The following PCF11 variants were observed in gnomAD, a reference collection of about 807,000 sequenced individuals.
The protein encoded by PCF11 is PCF11 cleavage and polyadenylation factor subunit.
PCF11 carries 19 observed loss-of-function variants against 166.1 expected under a neutral mutation model. That is an observed-to-expected ratio of 0.11 (90% CI 0.08 to 0.17). PCF11 has a LOEUF of 0.17. Ranked by LOEUF, PCF11 falls within the 10% of genes least tolerant of loss-of-function variation. The pLI is 1.00. For synonymous variants in PCF11, 663 were observed against 644.1 expected (o/e 1.03, Z -0.44); for missense variants, 1,565 against 1,855.5 (o/e 0.84, Z 2.88).
intron 13 of PCF11, 78 bp from the exon 14 acceptor site, chr11:83,182,321 C>G (rs920514732): frequency 2.7e-6 from 2 of 750,760 alleles, no homozygotes; most frequent in African/African-American, 3.5e-5. Context: ...CTCCACTTAA[C>G]AGTGTTTGTA....
At chr11:83,184,647 C>A (rs1319258059) in intron 15 of PCF11, 32 bp from the exon 16 acceptor site, 1 of 1,456,352 alleles carries the variant, frequency 6.9e-7, no homozygotes, top group South Asian at 1.2e-5. Context: ...TTTGAACTTT[C>A]ATCAGTACTC....
rs201028738 is a variant in PCF11, at chr11:83,184,640, G to T, written c.4453-39G>T. 1.1e-5 allele frequency: 15 copies of T among 1,367,292 alleles called. No homozygotes were observed. The South Asian group carries it at 1.6e-4, about 15-fold the overall frequency. 84.7% of individuals were successfully genotyped at this position (1,367,292 alleles called of 1,614,324 possible). A position where few individuals can be genotyped will look rare whatever the true frequency, so the allele number is the denominator to read the frequency against. On this transcript the variant is annotated intron_variant, in intron 15 of 15. Transcript: ENST00000298281. ...AAATGTTATTTAATGTGAGAATTTT[G>T]AACTTTCATCAGTACTCATAGGGCC...
At chr11:83,176,835 A>G (rs1007531929) in intron 9 of PCF11, among the ~76,000 whole-genome samples, 2 of 152,104 alleles carry the variant, frequency 1.3e-5, no homozygotes, top group Admixed American at 6.5e-5. Flanking sequence ...TTAAAAGTAT[A>G]ATAAAAAAAC....
exon 1 of PCF11, chr11:83,157,623 A>T: frequency 6.2e-7 from 1 of 1,613,806 alleles, no homozygotes; most frequent in Non-Finnish European, 8.5e-7. Flanking sequence ...CGAGGCCCAA[A>T]CCGCCAAGGT....
intron 4 of PCF11, 140 bp downstream of exon 4, chr11:83,164,541 A>G (rs548306152): frequency 3.9e-5 from 26 of 662,018 alleles, no homozygotes; most frequent in African/African-American, 3.7e-4. Flanking sequence ...AAATGAGTAT[A>G]TTTATTAGAC....
rs749486359 is a variant in PCF11, at chr11:83,170,024, T to A, written c.3660+29T>A. 4 of 1,519,932 alleles carry A rather than the reference T, an allele frequency of 2.6e-6. No homozygotes were observed. The East Asian group carries it at 9.0e-5, about 34-fold the overall frequency. The allele number at this position is 1,519,932 out of a possible 1,614,324, so 94.2% of individuals were successfully genotyped here. On this transcript the variant is annotated intron_variant, in intron 8 of 15. Transcript: ENST00000298281. ...AGTCTGTTATTCTAAAATTGCGTTGTATGCAGATAAGTTAACCATTTTTTA... is the reference window on the plus strand; with the variant it reads ...AGTCTGTTATTCTAAAATTGCGTTGAATGCAGATAAGTTAACCATTTTTTA...
chr11:83,183,133 GT>G lies in PCF11; in HGVS notation c.4452+70del, dbSNP rs377050625. The G allele has an allele frequency of 2.8e-3, 2,372 of 848,052 alleles. 2 individuals carry two copies. Among genetic ancestry groups the G allele is most frequent in the African/African-American group, 6.9e-3 (381 of 55,266 alleles). 52.5% of individuals were successfully genotyped at this position (848,052 alleles called of 1,614,324 possible). A position where few individuals can be genotyped will look rare whatever the true frequency, so the allele number is the denominator to read the frequency against. On this transcript the variant is annotated intron_variant, in intron 15 of 15. Transcript: ENST00000298281. The stretch of plus-strand genomic sequence containing the variant: ...TTGCATTAATAAATTTTACTTTTCA[GT>G]TTTTTTTTTGCATCAGAGCAATATT...
intron 11 of PCF11, 107 bp downstream of exon 11, chr11:83,177,926 C>A: frequency 4.9e-6 from 2 of 411,468 alleles, no homozygotes; most frequent in Non-Finnish European, 8.6e-6. Flanking sequence ...ATCCCTTTTA[C>A]TGTTTTAACA....
In PCF11 at chr11:83,169,079, T is replaced by C. The variant is rs762715231; in HGVS notation, c.2744T>C (p.Leu915Pro). 3 of 1,613,648 alleles carry C rather than the reference T, an allele frequency of 1.9e-6. No individual in the cohort carries two copies. Among genetic ancestry groups the C allele is most frequent in the Non-Finnish European group, 2.5e-6 (3 of 1,179,802 alleles). ...CCCCGAGGTCAGCCTGTAGGTGGACTTAGATTTGAGGGGGGTCATGGTCCA... is the reference window on the plus strand; with the variant it reads ...CCCCGAGGTCAGCCTGTAGGTGGACCTAGATTTGAGGGGGGTCATGGTCCA... The change falls in exon 8 of 16, where the codon CTT (leucine) becomes CCT (proline). Residue 915 changes from leucine to proline, a missense_variant. Leu to Pro is a moderately conservative substitution (Grantham distance 98). Coordinates refer to ENST00000298281, the Ensembl canonical transcript of PCF11.
chr11:83,169,306 G>T (rs1482235571), exon 8 of PCF11: 1 of 1,611,850 alleles, frequency 6.2e-7, no homozygotes, highest in Non-Finnish European at 8.5e-7. Context: ...TCAGCCAGGG[G>T]TTGGTATCAG....
chr11:83,157,355 AGGAAGAGGAGTC>A, exon 1 of PCF11: 1 of 1,224,388 alleles, frequency 8.2e-7, no homozygotes, highest in South Asian at 1.3e-5. Flanking sequence ...AGCCGGGGAG[AGGAAGAGGAGTC>A]GGAAGGGAGG....
At chr11:83,161,025 A>ATT (rs915807913) in intron 1 of PCF11, among the ~76,000 whole-genome samples, 19 of 151,584 alleles carry the variant, frequency 1.3e-4, no homozygotes, top group Non-Finnish European at 2.4e-4. Context: ...CCTCCTCCTT[A>ATT]TTTTTGTCAC....
At chr11:83,159,918 G>T (rs917522049) in intron 1 of PCF11, among the ~76,000 whole-genome samples, 2 of 152,132 alleles carry the variant, frequency 1.3e-5, no homozygotes, top group Non-Finnish European at 2.9e-5. Context: ...ACAGACTTTG[G>T]TGTTTAAGAG....
chr11:83,166,373 A>T (rs535265386), exon 5 of PCF11: 1 of 1,613,960 alleles, frequency 6.2e-7, no homozygotes, highest in Admixed American at 1.7e-5. Context: ...CACCAATTAT[A>T]CATTCCCCAA....
intron 1 of PCF11, among the ~76,000 whole-genome samples, chr11:83,159,677 A>G (rs143953016): frequency 3.3e-5 from 5 of 152,258 alleles, no homozygotes; most frequent in African/African-American, 7.2e-5. Context: ...TGGGGGATCT[A>G]TCTTAATCTG....
intron 8 of PCF11, among the ~76,000 whole-genome samples, chr11:83,170,441 A>G (rs1298931833): frequency 6.6e-6 from 1 of 152,164 alleles, no homozygotes; most frequent in Non-Finnish European, 1.5e-5. Flanking sequence ...CCCTGCTTTC[A>G]CAGTCTACAA....
At chr11:83,168,287 C>T in intron 7 of PCF11, 141 bp from the exon 8 acceptor site, 1 of 767,286 alleles carries the variant, frequency 1.3e-6, no homozygotes, top group Non-Finnish European at 2.0e-6. Flanking sequence ...AGAGGGCATC[C>T]TCTTATCTGC....
At chr11:83,184,600 G>T in intron 15 of PCF11, 79 bp from the exon 16 acceptor site, 1 of 923,828 alleles carries the variant, frequency 1.1e-6, no homozygotes, top group East Asian at 2.5e-5. Flanking sequence ...GTTCATACAA[G>T]GGTCTTACAA....
chr11:83,166,859 T>C, intron 5 of PCF11, 145 bp downstream of exon 5: 1 of 743,918 alleles, frequency 1.3e-6, no homozygotes, highest in Non-Finnish European at 2.2e-6. Flanking sequence ...TAAATACTAT[T>C]ATTATTTCTA....
Sources: allele counts gnomAD v4.1 joint callset (sites outside exome capture counted in the v4.1 genomes callset), GRCh38; gene constraint gnomAD v4.1.1; transcripts MANE v1.5; gene names NCBI Gene and HGNC (gene_info 2026-07-23, HGNC 2026-07-21).